The following SLC9B1 variants were observed in gnomAD, a reference collection of about 807,000 sequenced individuals.
SLC9B1 encodes the protein solute carrier family 9 member B1.
SLC9B1 carries 32 observed loss-of-function variants against 51.7 expected under a neutral mutation model. That is an observed-to-expected ratio of 0.62 (90% confidence interval 0.47 to 0.83). The LOEUF (loss-of-function observed/expected upper bound fraction) is 0.83. Among genes scored for constraint, SLC9B1 ranks in the 40% least tolerant of loss-of-function variants. The pLI, the probability that SLC9B1 is intolerant of heterozygous loss-of-function variation, is 0.00. For missense variants in SLC9B1, 406 were observed against 613.2 expected, an observed-to-expected ratio of 0.66 and a Z score of 3.57; for synonymous variants, 145 against 212.7, an observed-to-expected ratio of 0.68 and a Z score of 2.77.
intron 1 of SLC9B1, among the ~76,000 whole-genome samples, chr4:102,994,288 G>C (rs1169698547): frequency 1.3e-5 from 2 of 152,128 alleles, no homozygotes; most frequent in Non-Finnish European, 2.9e-5. Context: ...AAGTTCTACA[G>C]ATCTCTGGGG....
intron 7 of SLC9B1, among the ~76,000 whole-genome samples, chr4:102,924,288 C>G (rs1578350822): frequency 2.0e-5 from 3 of 152,168 alleles, no homozygotes; most frequent in African/African-American, 7.2e-5. Flanking sequence ...ACAAACCTGA[C>G]ATAAACGAGA....
chr4:102,886,441 A>C (rs1385165156), intron 11 of SLC9B1, among the ~76,000 whole-genome samples: 2 of 152,048 alleles, frequency 1.3e-5, no homozygotes, highest in African/African-American at 2.4e-5. Flanking sequence ...CAGTGAGCCA[A>C]GATCACGCCA....
intron 11 of SLC9B1, among the ~76,000 whole-genome samples, chr4:102,886,764 G>GC (rs368740787): frequency 1 from 152,074 of 152,078 alleles, 76,035 homozygotes; most frequent in Middle Eastern, 1. Flanking sequence ...ACAGGCGTAT[G>GC]CACCACGCCC....
chr4:102,958,294 C>T (rs1737909025), intron 3 of SLC9B1, among the ~76,000 whole-genome samples: 1 of 152,146 alleles, frequency 6.6e-6, no homozygotes, highest in African/African-American at 2.4e-5. Context: ...TGCTCTTTTA[C>T]TCCTGCTTTC....
chr4:102,958,076 T>A (rs1318337512), intron 3 of SLC9B1, among the ~76,000 whole-genome samples: 3 of 152,168 alleles, frequency 2.0e-5, no homozygotes, highest in Admixed American at 2.0e-4. Context: ...AATGAAACTC[T>A]GTTGATATAG....
At chr4:103,005,428 C>A (rs1360121064) in intron 1 of SLC9B1, among the ~76,000 whole-genome samples, 1 of 151,940 alleles carries the variant, frequency 6.6e-6, no homozygotes, top group Non-Finnish European at 1.5e-5. Flanking sequence ...TATATATGAA[C>A]CCACCACAGA....
chr4:103,016,134 C>CAAAAAAAAA (rs61227731), intron 1 of SLC9B1, among the ~76,000 whole-genome samples: 5 of 49,634 alleles, frequency 1.0e-4, no homozygotes, highest in Non-Finnish European at 1.4e-4. Flanking sequence ...AACTCTGTCT[C>CAAAAAAAAA]AAAAAAAAAA....
At chr4:102,919,335 T>C (rs992816316) in intron 7 of SLC9B1, among the ~76,000 whole-genome samples, 1 of 152,196 alleles carries the variant, frequency 6.6e-6, no homozygotes, top group Non-Finnish European at 1.5e-5. Flanking sequence ...TTCCAAACCA[T>C]ATTTTTGTGA....
chr4:102,907,414 G>A (rs199988846), intron 9 of SLC9B1, among the ~76,000 whole-genome samples: 12 of 151,164 alleles, frequency 7.9e-5, no homozygotes, highest in East Asian at 2.0e-4. Flanking sequence ...TATACTACTA[G>A]GAAAAACAAT....
At chr4:102,916,092 C>A (rs1190304094) in intron 7 of SLC9B1, among the ~76,000 whole-genome samples, 1 of 152,110 alleles carries the variant, frequency 6.6e-6, no homozygotes, top group Non-Finnish European at 1.5e-5. Context: ...AAGCCCCTCC[C>A]TATCAGTAAC....
At chr4:102,958,332 C>T (rs186711531) in intron 3 of SLC9B1, among the ~76,000 whole-genome samples, 5 of 152,270 alleles carry the variant, frequency 3.3e-5, no homozygotes, top group Admixed American at 2.6e-4. Flanking sequence ...TGCCTTCTGC[C>T]ATGATTGTAA....
intron 3 of SLC9B1, among the ~76,000 whole-genome samples, chr4:102,949,962 A>G (rs1737464703): frequency 6.6e-6 from 1 of 152,124 alleles, no homozygotes; most frequent in African/African-American, 2.4e-5. Context: ...CTCAGTCTCA[A>G]TAAAAAAATA....
intron 3 of SLC9B1, among the ~76,000 whole-genome samples, chr4:102,958,752 G>A (rs892349124): frequency 2.0e-5 from 3 of 151,802 alleles, no homozygotes; most frequent in Non-Finnish European, 4.4e-5. Context: ...GAAACCCCGT[G>A]TCTACTAAAA....
intron 3 of SLC9B1, chr4:102,962,153 A>C (rs1009143480): frequency 1.5e-5 from 7 of 467,608 alleles, no homozygotes; most frequent in Admixed American, 1.4e-4. Context: ...CTATGCAGGC[A>C]ACACTGAGCC....
intron 1 of SLC9B1, among the ~76,000 whole-genome samples, chr4:103,010,285 G>A (rs1741026672): frequency 6.6e-6 from 1 of 152,098 alleles, no homozygotes; most frequent in African/African-American, 2.4e-5. Flanking sequence ...CTCTGGAGGG[G>A]AGGGAGTCTA....
intron 3 of SLC9B1, among the ~76,000 whole-genome samples, chr4:102,984,219 A>G (rs377712385): frequency 1.5e-3 from 235 of 151,986 alleles, no homozygotes; most frequent in African/African-American, 5.4e-3. Context: ...TGGGGTAAGC[A>G]ATCTTCCCAC....
intron 7 of SLC9B1, among the ~76,000 whole-genome samples, chr4:102,924,182 CA>C (rs1365114331): frequency 1.3e-5 from 2 of 152,194 alleles, no homozygotes; most frequent in Non-Finnish European, 2.9e-5. Context: ...GTAACCAAAA[CA>C]GCATGGTACT....
At chr4:103,016,543 A>G (rs191013307) in intron 1 of SLC9B1, among the ~76,000 whole-genome samples, 19 of 151,864 alleles carry the variant, frequency 1.3e-4, no homozygotes, top group East Asian at 9.7e-4. Context: ...CCAAAACCCA[A>G]TGCACAGATC....
chr4:102,975,565 CAT>C (rs749203965), intron 3 of SLC9B1, among the ~76,000 whole-genome samples: 2,111 of 99,280 alleles, frequency 0.021, 140 homozygotes, highest in East Asian at 0.036. Flanking sequence ...ATTATATATA[CAT>C]ATATATATAT....
Sources: gnomAD v4.1 joint callset for allele counts (sites outside exome capture counted in the v4.1 genomes callset) on GRCh38, gnomAD v4.1.1 for gene constraint, MANE v1.5 for transcripts, NCBI Gene and HGNC (gene_info 2026-07-23, HGNC 2026-07-21) for gene names.